Variants in MAML3 observed in about 807,000 individuals in gnomAD.
MAML3 encodes the protein mastermind-like protein 3.
Under a neutral mutation model 101.9 loss-of-function variants are expected in MAML3, and 27 were observed. That is an observed-to-expected ratio of 0.27 (90% CI 0.20 to 0.37). The LOEUF is 0.37. MAML3 is among the 10% of genes least tolerant of loss of function. The pLI is 1.00. For missense variants in MAML3, 1,316 were observed against 1,444.9 expected (o/e 0.91, Z 1.45); for synonymous variants, 501 against 555.9 (o/e 0.90, Z 1.39).
At chr4:139,944,046 A>C (rs1733658720) in intron 1 of MAML3, among the ~76,000 whole-genome samples, 1 of 151,608 alleles carries the variant, frequency 6.6e-6, no homozygotes, top group Non-Finnish European at 1.5e-5. Flanking sequence ...AATATTTTGT[A>C]ATTTTAGTAG....
intron 1 of MAML3, chr4:140,127,903 A>G (rs1728709421): frequency 6.6e-6 from 1 of 152,232 alleles, no homozygotes; most frequent in South Asian, 2.1e-4. Flanking sequence ...CTTACTTCCC[A>G]AAATTTTATG....
chr4:139,829,857 G>A (rs1184283146), intron 2 of MAML3, among the ~76,000 whole-genome samples: 1 of 152,176 alleles, frequency 6.6e-6, no homozygotes, highest in African/African-American at 2.4e-5. Flanking sequence ...ACAGATCTGG[G>A]AATATAACTT....
At chr4:139,833,490 G>A (rs1238431907) in intron 2 of MAML3, among the ~76,000 whole-genome samples, 3 of 152,192 alleles carry the variant, frequency 2.0e-5, no homozygotes, top group Admixed American at 6.5e-5. Flanking sequence ...GGAGGCTAGA[G>A]TGGGAGGAAG....
intron 1 of MAML3, among the ~76,000 whole-genome samples, chr4:140,059,269 G>A (rs1016652795): frequency 6.6e-6 from 1 of 152,148 alleles, no homozygotes; most frequent in African/African-American, 2.4e-5. Flanking sequence ...GCACAGTCAC[G>A]GGAGCATACC....
chr4:139,900,172 TTCCCA>T (rs1323609631), intron 1 of MAML3, among the ~76,000 whole-genome samples: 1 of 152,208 alleles, frequency 6.6e-6, no homozygotes, highest in Non-Finnish European at 1.5e-5. Context: ...TAAAACTCTA[TTCCCA>T]AAAAGTCTTG....
At chr4:140,104,408 A>ATATAATATATATATATATATTATATATT in intron 1 of MAML3, among the ~76,000 whole-genome samples, 1 of 54,974 alleles carries the variant, frequency 1.8e-5, no homozygotes, top group South Asian at 4.6e-4. Flanking sequence ...TATAATATAT[A>ATATAATATATATATATATATTATATATT]ATATAATATA....
chr4:139,982,215 G>T (rs2110811209), intron 1 of MAML3, among the ~76,000 whole-genome samples: 1 of 152,236 alleles, frequency 6.6e-6, no homozygotes, highest in South Asian at 2.1e-4. Flanking sequence ...TATACTTTCA[G>T]TTATAATCCC....
rs1485041691 is a variant in MAML3 at position 140,011,340 on chromosome 4, TTG to T, written c.469-120375_469-120374del. ...TGGTTTTACTCAAGGTTTTCTTGTTTTGTTTTTTTTTTTTTGAGACGGAGTCT... is the reference window on the plus strand; with the variant it reads ...TGGTTTTACTCAAGGTTTTCTTGTTTTTTTTTTTTTTTTGAGACGGAGTCT... On this transcript the variant is annotated intron_variant, in intron 1 of 4. Coordinates refer to ENST00000509479, the MANE Select transcript of MAML3 (RefSeq NM_018717.5). Among the ~76,000 whole-genome samples the T allele has an allele frequency of 2.4e-4, 23 of 95,708 alleles. 4 individuals are homozygous for T. The highest frequency in any genetic ancestry group is 6.1e-4 in the Non-Finnish European group (22 of 36,258). 62.8% of individuals were successfully genotyped at this position (95,708 alleles called of 152,430 possible). A position where few individuals can be genotyped will look rare whatever the true frequency, so the allele number is the denominator to read the frequency against.
chr4:139,994,039 G>A, intron 1 of MAML3, among the ~76,000 whole-genome samples: 1 of 152,132 alleles, frequency 6.6e-6, no homozygotes, highest in East Asian at 1.9e-4. Context: ...TGACATGGGG[G>A]TCTACTTTTT....
chr4:140,020,452 A>G (rs1726714481), intron 1 of MAML3, among the ~76,000 whole-genome samples: 1 of 151,722 alleles, frequency 6.6e-6, no homozygotes, highest in Non-Finnish European at 1.5e-5. Context: ...CTGGCCTGGT[A>G]TTTGCTCATA....
chr4:139,731,897 T>G lies in MAML3; in HGVS notation c.2080-1230A>C, dbSNP rs142712879. Among the ~76,000 whole-genome samples the G allele has an allele frequency of 1.6e-4, 25 of 152,294 alleles. 1 individual carries two copies. Among genetic ancestry groups the G allele is most frequent in the African/African-American group, 5.8e-4 (24 of 41,564 alleles). ...GGAAGAAAAGGTGTGTGGCCCAGATTCAATTTCTAGACACTTCCTTTCCTA... is the reference window on the plus strand; with the variant it reads ...GGAAGAAAAGGTGTGTGGCCCAGATGCAATTTCTAGACACTTCCTTTCCTA... On this transcript the variant is annotated intron_variant, in intron 2 of 4. Coordinates refer to ENST00000509479, the MANE Select transcript of MAML3 (RefSeq NM_018717.5).
intron 1 of MAML3, among the ~76,000 whole-genome samples, chr4:140,044,181 G>A (rs558916108): frequency 6.6e-5 from 10 of 152,022 alleles, no homozygotes; most frequent in South Asian, 2.1e-4. Flanking sequence ...CTATGGGCCC[G>A]AGACGTTTTA....
chr4:140,028,456 TTCTC>T (rs935797274), intron 1 of MAML3, among the ~76,000 whole-genome samples: 2 of 152,002 alleles, frequency 1.3e-5, no homozygotes, highest in Non-Finnish European at 2.9e-5. Flanking sequence ...ATCTCTCTCC[TTCTC>T]TCTCTCTCTT....
chr4:139,832,094 C>CTTTTTTTTTTTTT (rs70943444), intron 2 of MAML3, among the ~76,000 whole-genome samples: 1,809 of 64,664 alleles, frequency 0.028, 268 homozygotes, highest in Non-Finnish European at 0.044. Context: ...TGCCCAGCCC[C>CTTTTTTTTTTTTT]TTTTTTTTTT....
chr4:140,052,031 C>T (rs1727277522), intron 1 of MAML3, among the ~76,000 whole-genome samples: 1 of 152,138 alleles, frequency 6.6e-6, no homozygotes, highest in South Asian at 2.1e-4. Flanking sequence ...TATTTCCATT[C>T]TTCTTTAAGT....
chr4:139,891,360 C>A (rs1484894271), intron 1 of MAML3, among the ~76,000 whole-genome samples: 1 of 152,164 alleles, frequency 6.6e-6, no homozygotes, highest in East Asian at 1.9e-4. Context: ...TTCACTGAGA[C>A]CTTCACCTCC....
At chr4:139,818,170 C>T (rs930731939) in intron 2 of MAML3, among the ~76,000 whole-genome samples, 37 of 152,166 alleles carry the variant, frequency 2.4e-4, no homozygotes, top group African/African-American at 8.2e-4. Flanking sequence ...ATCACTGCCC[C>T]GGCTACCGTC....
chr4:140,035,782 C>CA (rs377078289), intron 1 of MAML3, among the ~76,000 whole-genome samples: 1,502 of 124,480 alleles, frequency 0.012, 5 homozygotes, highest in Non-Finnish European at 0.015. Flanking sequence ...GACTCCGTCT[C>CA]AAAAAAAAAA....
intron 2 of MAML3, among the ~76,000 whole-genome samples, chr4:139,842,240 G>C (rs1217378545): frequency 6.6e-6 from 1 of 152,196 alleles, no homozygotes; most frequent in Admixed American, 6.5e-5. Context: ...CAAGCTGAGA[G>C]GTTTGAGGAT....
Sources: gnomAD v4.1 joint callset for allele counts (sites outside exome capture counted in the v4.1 genomes callset) on GRCh38, gnomAD v4.1.1 for gene constraint, MANE v1.5 for transcripts, NCBI Gene and HGNC (gene_info 2026-07-23, HGNC 2026-07-21) for gene names.